TEX9: variants seen among roughly 807,000 people sequenced by gnomAD.
TEX9 encodes the protein testis-expressed protein 9.
In TEX9, 74 loss-of-function variants were observed where a neutral mutation model predicts 59.6. That is an observed-to-expected ratio of 1.24 (90% CI 1.03 to 1.51). The LOEUF is 1.51. Ranked by LOEUF, TEX9 falls within the 40% of genes most tolerant of loss-of-function variation. The pLI is 0.00. For synonymous variants in TEX9, 186 were observed against 152.2 expected (o/e 1.22, Z -1.64); for missense variants, 522 against 447.8 (o/e 1.17, Z -1.49).
At chr15:56,351,560 C>G (rs2046580851) in intron 1 of TEX9, among the ~76,000 whole-genome samples, 1 of 152,144 alleles carries the variant, frequency 6.6e-6, no homozygotes, top group Non-Finnish European at 1.5e-5. Flanking sequence ...TGTAAGGCTT[C>G]TTTGAATGGA....
intron 12 of TEX9, among the ~76,000 whole-genome samples, chr15:56,440,505 A>T (rs2050799233): frequency 1.3e-5 from 2 of 152,096 alleles, no homozygotes; most frequent in Non-Finnish European, 2.9e-5. Context: ...TTATACAAAA[A>T]CCTTTACCTG....
chr15:56,451,596 A>G, the TEX9 span, among the ~76,000 whole-genome samples: 6 of 152,056 alleles, frequency 3.9e-5, no homozygotes, highest in Non-Finnish European at 8.8e-5. Flanking sequence ...AGTATGTGGT[A>G]TTTTCATTAT....
At chr15:56,320,005 T>C (rs1374185474) in intron 1 of TEX9, among the ~76,000 whole-genome samples, 9 of 152,192 alleles carry the variant, frequency 5.9e-5, no homozygotes, top group Admixed American at 1.3e-4. Flanking sequence ...CTTTCCTCTA[T>C]GTCCTCTCTA....
intron 12 of TEX9, among the ~76,000 whole-genome samples, chr15:56,437,657 G>T (rs1410932686): frequency 2.0e-5 from 3 of 152,148 alleles, no homozygotes; most frequent in Non-Finnish European, 2.9e-5. Context: ...ATTCAATTAG[G>T]AAAAGAGGAA....
intron 1 of TEX9, among the ~76,000 whole-genome samples, chr15:56,268,183 A>C (rs1193901232): frequency 6.6e-6 from 1 of 152,198 alleles, no homozygotes; most frequent in Non-Finnish European, 1.5e-5. Flanking sequence ...TTGTATCCTG[A>C]GACTTTGCTG....
At chr15:56,446,699 T>A, downstream of TEX9, 1 of 612,848 alleles carries the variant, frequency 1.6e-6, no homozygotes, top group Non-Finnish European at 2.8e-6. Context: ...ATTTTCTACA[T>A]CTTAAGGATC....
chr15:56,416,874 C>G (rs527608919), intron 10 of TEX9, among the ~76,000 whole-genome samples: 3 of 151,818 alleles, frequency 2.0e-5, no homozygotes, highest in African/African-American at 7.3e-5. Flanking sequence ...ATTACTGATT[C>G]AGTTTTGGAG....
intron 12 of TEX9, among the ~76,000 whole-genome samples, chr15:56,435,484 T>C (rs2050706728): frequency 6.6e-6 from 1 of 151,506 alleles, no homozygotes; most frequent in South Asian, 2.1e-4. Flanking sequence ...GAATAAAACA[T>C]AGGATATCAC....
intron 1 of TEX9, among the ~76,000 whole-genome samples, chr15:56,334,226 G>C (rs1467191967): frequency 6.6e-6 from 1 of 152,060 alleles, no homozygotes; most frequent in Non-Finnish European, 1.5e-5. Context: ...AATGAACAAA[G>C]CTAGAGGAAC....
intron 12 of TEX9, among the ~76,000 whole-genome samples, chr15:56,431,654 A>G (rs775711209): frequency 1.3e-5 from 2 of 151,976 alleles, no homozygotes; most frequent in African/African-American, 2.4e-5. Flanking sequence ...TTTAAAATAT[A>G]TATTTTATGT....
chr15:56,302,735 T>G (rs766759567), intron 1 of TEX9, among the ~76,000 whole-genome samples: 9 of 152,120 alleles, frequency 5.9e-5, no homozygotes, highest in Non-Finnish European at 1.2e-4. Context: ...GTAGATAGAC[T>G]AAAGTCTTCA....
chr15:56,372,372 A>G (rs1292212883), intron 2 of TEX9, among the ~76,000 whole-genome samples: 2 of 151,648 alleles, frequency 1.3e-5, no homozygotes, highest in African/African-American at 4.9e-5. Context: ...TCTGAATCCC[A>G]TGTCTAAGAA....
At chr15:56,368,602 G>A (rs1343885888) in intron 2 of TEX9, among the ~76,000 whole-genome samples, 1 of 152,054 alleles carries the variant, frequency 6.6e-6, no homozygotes, top group African/African-American at 2.4e-5. Flanking sequence ...ATGATTAGAT[G>A]TACTATTTCT....
chr15:56,406,211 A>G (rs1159057947), intron 9 of TEX9, among the ~76,000 whole-genome samples: 1 of 152,146 alleles, frequency 6.6e-6, no homozygotes, highest in East Asian at 1.9e-4. Flanking sequence ...AATCGTGAAT[A>G]TGGACTTTTG....
intron 1 of TEX9, among the ~76,000 whole-genome samples, chr15:56,289,456 G>A (rs2045033413): frequency 6.6e-6 from 1 of 152,186 alleles, no homozygotes; most frequent in Non-Finnish European, 1.5e-5. Flanking sequence ...GCACCATTGA[G>A]GGTTCCAGAT....
At chr15:56,252,378 C>CTTTTT (rs1567062567) in intron 1 of TEX9, among the ~76,000 whole-genome samples, 5 of 73,644 alleles carry the variant, frequency 6.8e-5, no homozygotes, top group Admixed American at 1.4e-4. Flanking sequence ...ATTAGAAAAA[C>CTTTTT]CTTTTTTTTT....
At chr15:56,345,019 C>T (rs1261699051) in intron 1 of TEX9, among the ~76,000 whole-genome samples, 1 of 136,404 alleles carries the variant, frequency 7.3e-6, no homozygotes, top group Non-Finnish European at 1.5e-5. Context: ...ACTAGTTTTT[C>T]TATCTATCTA....
chr15:56,404,554 C>G (rs2048974605), intron 9 of TEX9, among the ~76,000 whole-genome samples: 1 of 152,166 alleles, frequency 6.6e-6, no homozygotes, highest in Admixed American at 6.5e-5. Flanking sequence ...ATTAGTTCAA[C>G]TGTGGTGGAA....
chr15:56,297,740 G>A (rs1424774526), intron 1 of TEX9, among the ~76,000 whole-genome samples: 1 of 152,188 alleles, frequency 6.6e-6, no homozygotes, highest in East Asian at 1.9e-4. Flanking sequence ...CCTGCCATCA[G>A]GCAATCCACC....
Sources: allele counts gnomAD v4.1 joint callset (sites outside exome capture counted in the v4.1 genomes callset), GRCh38; gene constraint gnomAD v4.1.1; transcripts MANE v1.5; gene names NCBI Gene and HGNC (gene_info 2026-07-23, HGNC 2026-07-21).